The following GJB7 variants were observed in gnomAD, a reference collection of about 807,000 sequenced individuals.
The protein encoded by GJB7 is gap junction protein beta 7, also known as gap junction beta-7 protein.
For synonymous variants in GJB7, 87 were observed against 95.2 expected, an observed-to-expected ratio of 0.91 and a Z score of 0.50; for missense variants, 253 against 256.8, an observed-to-expected ratio of 0.99 and a Z score of 0.10.
At chr6:87,294,126 G>T (rs1278978896) in intron 2 of GJB7, among the ~76,000 whole-genome samples, 1 of 152,150 alleles carries the variant, frequency 6.6e-6, no homozygotes, top group Non-Finnish European at 1.5e-5. Flanking sequence ...CCATATTGAA[G>T]TCAAAAGGCT....
In GJB7 at chr6:87,283,636, A is replaced by G. The variant is rs555955431; in HGVS notation, c.*605T>C. The G allele has an allele frequency of 6.6e-5, 10 of 152,436 alleles. No individual in the cohort carries two copies. Among genetic ancestry groups the G allele is most frequent in the African/African-American group, 2.4e-4 (10 of 41,502 alleles). The allele number at this position is 152,436 out of a possible 1,614,324, so 9.4% of individuals were successfully genotyped here. On this transcript the variant is annotated 3_prime_UTR_variant, in exon 3 of 3. Transcript: ENST00000525899. The stretch of plus-strand genomic sequence containing the variant: ...TGTGTCCCCAGCTGGCTGCTATCCT[A>G]TCCCACAGTTTTTCCCTGCAGAGAT...
intron 2 of GJB7, among the ~76,000 whole-genome samples, chr6:87,307,790 G>A (rs1201150450): frequency 6.6e-6 from 1 of 152,120 alleles, no homozygotes; most frequent in Non-Finnish European, 1.5e-5. Flanking sequence ...TCTGTAAACT[G>A]GTTCAACCAC....
intron 2 of GJB7, among the ~76,000 whole-genome samples, chr6:87,286,654 T>C (rs1363643916): frequency 6.6e-6 from 1 of 152,202 alleles, no homozygotes; most frequent in African/African-American, 2.4e-5. Flanking sequence ...CATCTTATCA[T>C]TGAACTTCGT....
At chr6:87,294,995 G>A (rs1362848645) in intron 2 of GJB7, among the ~76,000 whole-genome samples, 1 of 152,080 alleles carries the variant, frequency 6.6e-6, no homozygotes, top group Non-Finnish European at 1.5e-5. Context: ...AATGGGAAAA[G>A]CATTCCTTGC....
chr6:87,283,885 T>G lies in GJB7; in HGVS notation c.*356A>C, dbSNP rs959380497. The G allele has an allele frequency of 6.0e-6, 1 of 165,912 alleles. No homozygotes were observed. The allele number at this position is 165,912 out of a possible 1,614,324, so 10.3% of individuals were successfully genotyped here. On this transcript the variant is annotated 3_prime_UTR_variant, in exon 3 of 3. Coordinates refer to ENST00000525899, the MANE Select transcript of GJB7 (RefSeq NM_198568.3). ...AATCTAAGCTCTTAAAAGAATCCTG[T>G]TAGATTTCTTCAGACTAATTTGCAA... is the stretch of plus-strand genomic sequence containing the variant.
At chr6:87,326,207 C>T (rs1226887802) in intron 1 of GJB7, among the ~76,000 whole-genome samples, 2 of 152,112 alleles carry the variant, frequency 1.3e-5, no homozygotes, top group Non-Finnish European at 2.9e-5. Context: ...TTGATCCGTT[C>T]AAAAAACCAG....
intron 2 of GJB7, among the ~76,000 whole-genome samples, chr6:87,318,385 A>G (rs1244456233): frequency 6.6e-6 from 1 of 152,216 alleles, no homozygotes; most frequent in Non-Finnish European, 1.5e-5. Context: ...CTGAACCTCA[A>G]TGTGGCAAAC....
At chr6:87,325,564 A>G (rs1445178578) in intron 1 of GJB7, among the ~76,000 whole-genome samples, 2 of 150,170 alleles carry the variant, frequency 1.3e-5, no homozygotes, top group Non-Finnish European at 3.0e-5. Context: ...ATGCTGGATT[A>G]CATTTATTGA....
chr6:87,306,235 T>C (rs886153654), intron 2 of GJB7, among the ~76,000 whole-genome samples: 46 of 152,198 alleles, frequency 3.0e-4, no homozygotes, highest in African/African-American at 1.1e-3. Context: ...TCAGAGTGAA[T>C]AGGCAACCTA....
chr6:87,295,184 T>C (rs1776233005), intron 2 of GJB7, among the ~76,000 whole-genome samples: 1 of 152,100 alleles, frequency 6.6e-6, no homozygotes, highest in Non-Finnish European at 1.5e-5. Flanking sequence ...CTACCTTTTG[T>C]ACTGGGCAGC....
chr6:87,292,617 T>C (rs971759862), intron 2 of GJB7, among the ~76,000 whole-genome samples: 5 of 152,216 alleles, frequency 3.3e-5, no homozygotes, highest in African/African-American at 9.6e-5. Flanking sequence ...TATCCTTTTA[T>C]GGAACCATTT....
chr6:87,288,144 G>A (rs761198835), intron 2 of GJB7, among the ~76,000 whole-genome samples: 6 of 151,974 alleles, frequency 3.9e-5, no homozygotes, highest in African/African-American at 7.3e-5. Flanking sequence ...CTTGCGATCC[G>A]CCCACCTCAG....
chr6:87,293,623 C>A (rs1229984397), intron 2 of GJB7, among the ~76,000 whole-genome samples: 1 of 152,154 alleles, frequency 6.6e-6, no homozygotes, highest in Non-Finnish European at 1.5e-5. Context: ...CAGACTTTAT[C>A]CATGACCTTA....
chr6:87,292,396 C>A (rs1776189041), intron 2 of GJB7, among the ~76,000 whole-genome samples: 2 of 152,110 alleles, frequency 1.3e-5, no homozygotes, highest in Non-Finnish European at 2.9e-5. Context: ...TTCATAAGTC[C>A]TATTCTTGGA....
At position 87,284,228 on chromosome 6, in the gene GJB7, G is replaced by C. The variant is rs200692920; in HGVS notation, c.*13C>G. ...CTCTCCTACCACATTCAACATATCT[G>C]AGGCTGTGGCACTCACACACTGAGG... On this transcript the variant is annotated 3_prime_UTR_variant, in exon 3 of 3. Coordinates refer to ENST00000525899, the MANE Select transcript of GJB7 (RefSeq NM_198568.3). The C allele has an allele frequency of 1.9e-6, 3 of 1,604,404 alleles. No individual in the cohort carries two copies. The highest frequency in any genetic ancestry group is 1.7e-4 in the Middle Eastern group (1 of 6,022).
intron 2 of GJB7, among the ~76,000 whole-genome samples, chr6:87,285,257 G>A (rs2127895713): frequency 6.6e-6 from 1 of 152,250 alleles, no homozygotes. Context: ...CTCTAAAGAT[G>A]GATGGGTCAT....
chr6:87,317,433 C>CTTT (rs34039728), intron 2 of GJB7, among the ~76,000 whole-genome samples: 5,033 of 142,918 alleles, frequency 0.035, 313 homozygotes, highest in African/African-American at 0.12. Flanking sequence ...TAATCTTTTC[C>CTTT]TTTTTTTTTT....
At chr6:87,327,206 C>G (rs1419213355) in intron 1 of GJB7, among the ~76,000 whole-genome samples, 1 of 148,244 alleles carries the variant, frequency 6.7e-6, no homozygotes, top group South Asian at 2.2e-4. Flanking sequence ...ACTGATGGGT[C>G]TTGACTCTTT....
At position 87,283,755 on chromosome 6, in the gene GJB7, G is replaced by A. The variant is rs1776010405; in HGVS notation, c.*486C>T. 6.5e-6 allele frequency: 1 copy of A among 152,954 alleles called. No individual in the cohort carries two copies. Among genetic ancestry groups the A allele is most frequent in the African/African-American group, 2.4e-5 (1 of 41,352 alleles). The allele number at this position is 152,954 out of a possible 1,614,324, so 9.5% of individuals were successfully genotyped here. A position where few individuals can be genotyped will look rare whatever the true frequency, so the allele number is the denominator to read the frequency against. On this transcript the variant is annotated 3_prime_UTR_variant, in exon 3 of 3. Transcript: ENST00000525899. ...GGAGGCCATCACATTTGCCTAAAGT[G>A]TCACTTTTTATATTTTCCAGTTCAT...
Sources: gnomAD v4.1 joint callset for allele counts (sites outside exome capture counted in the v4.1 genomes callset) on GRCh38, gnomAD v4.1.1 for gene constraint, MANE v1.5 for transcripts, NCBI Gene and HGNC (gene_info 2026-07-23, HGNC 2026-07-21) for gene names.